The following ST7 variants were observed in gnomAD, a reference collection of about 807,000 sequenced individuals.
ST7 encodes the protein suppression of tumorigenicity 7, also known as suppressor of tumorigenicity 7 protein.
In ST7, 28 loss-of-function variants were observed where a neutral mutation model predicts 78.7. The observed-to-expected ratio is 0.36, with a 90% CI of 0.26 to 0.49. The LOEUF (loss-of-function observed/expected upper bound fraction) is 0.49. Among genes scored for constraint, ST7 ranks in the 20% least tolerant of loss-of-function variants. The probability of loss-of-function intolerance (pLI) is 0.99; values close to 1 mark genes in which losing one functional copy is unlikely to be tolerated. For synonymous variants in ST7, 247 were observed against 249.6 expected, an observed-to-expected ratio of 0.99 and a Z score of 0.10; for missense variants, 418 against 696.0, an observed-to-expected ratio of 0.60 and a Z score of 4.49.
At chr7:117,129,888 C>T in intron 4 of ST7, 41 bp downstream of exon 4, 1 of 1,549,016 alleles carries the variant, frequency 6.5e-7, no homozygotes, top group Non-Finnish European at 8.9e-7. Context: ...GGGTCTGGTT[C>T]AGAGAGCAAA....
chr7:117,135,249 T>C (rs1804695680), intron 7 of ST7, among the ~76,000 whole-genome samples: 1 of 152,066 alleles, frequency 6.6e-6, no homozygotes, highest in Non-Finnish European at 1.5e-5. Flanking sequence ...GTTCATTAAT[T>C]ATCCTTTTGG....
chr7:117,119,525 A>G lies in ST7; in HGVS notation c.235-36A>G, dbSNP rs1340797159. On this transcript the variant is annotated intron_variant, in intron 2 of 15. Transcript: ENST00000323984. The stretch of plus-strand genomic sequence containing the variant: ...ATGTGTACAGAAGTCGTAAATGATA[A>G]CAGTGACCATAAACACGCTTATTTT... The G allele has an allele frequency of 5.0e-6, 8 of 1,592,568 alleles. No individual in the cohort carries two copies. The South Asian group carries it at 6.9e-5, about 14-fold the overall frequency.
rs749327257 is a variant in ST7, at chr7:117,099,746, C to G, written c.152-16C>G. 11 of 1,604,136 alleles carry G rather than the reference C, an allele frequency of 6.9e-6. No homozygotes were observed. In the Admixed American group the frequency reaches 1.0e-4, roughly 15 times the overall value. ...ATTCCTTGTTCTTCTCCCTTTCTCT[C>G]TCTTTTCTTTTTCAGTGAGCATGTT... On this transcript the variant is annotated splice_polypyrimidine_tract_variant and intron_variant, in intron 1 of 15. Transcript: ENST00000323984.
chr7:116,995,702 A>G (rs1794621150), intron 1 of ST7, among the ~76,000 whole-genome samples: 1 of 152,210 alleles, frequency 6.6e-6, no homozygotes, highest in African/African-American at 2.4e-5. Flanking sequence ...AGGAATTGCA[A>G]ACTCAGATGC....
intron 5 of ST7, among the ~76,000 whole-genome samples, chr7:117,131,002 A>T (rs1392907750): frequency 6.6e-6 from 1 of 151,718 alleles, no homozygotes; most frequent in African/African-American, 2.4e-5. Context: ...AGTGACTTTT[A>T]TTTGCCTATT....
At chr7:117,180,473 G>C (rs879158818) in intron 10 of ST7, among the ~76,000 whole-genome samples, 1 of 152,186 alleles carries the variant, frequency 6.6e-6, no homozygotes, top group East Asian at 1.9e-4. Flanking sequence ...GACAAAGCAT[G>C]AGAATAATAC....
intron 3 of ST7, among the ~76,000 whole-genome samples, chr7:117,124,618 T>C (rs1243652126): frequency 1.3e-5 from 2 of 152,172 alleles, no homozygotes; most frequent in Non-Finnish European, 2.9e-5. Context: ...AACAGTTCAG[T>C]GGCAGGATTG....
intron 1 of ST7, among the ~76,000 whole-genome samples, chr7:117,021,319 A>G (rs540325291): frequency 2.2e-4 from 34 of 152,334 alleles, no homozygotes; most frequent in Admixed American, 2.0e-4. Context: ...AAAAATTACA[A>G]CCAAACTATG....
In ST7 at chr7:117,059,999, A is replaced by T. The variant is rs562705419; in HGVS notation, c.152-39763A>T. ...CCCTGTCTCAAAAAATCAAATTCTC[A>T]TATACCAAGTAATTGTTTGTTTTCT... On this transcript the variant is annotated intron_variant, in intron 1 of 15. Transcript: ENST00000323984. 9.9e-5 allele frequency among the ~76,000 whole-genome samples: 15 copies of T among 152,110 alleles called. No individual in the cohort carries two copies. In the East Asian group the frequency reaches 2.9e-3, roughly 29 times the overall value.
rs1174484560 is a variant in ST7 at position 117,070,690 on chromosome 7, G to A, written c.152-29072G>A. Reference sequence around the variant, plus strand: ...GGAGTAGCTGGGACTACAGGCGCCCGCCACCATGCCCTGCTAATTTCTTTT... The same window carrying A: ...GGAGTAGCTGGGACTACAGGCGCCCACCACCATGCCCTGCTAATTTCTTTT... On this transcript the variant is annotated intron_variant, in intron 1 of 15. Coordinates refer to ENST00000323984, the MANE Select transcript of ST7 (RefSeq NM_001369598.1). Among the ~76,000 whole-genome samples the A allele has an allele frequency of 2.6e-5, 4 of 151,814 alleles. No individual in the cohort carries two copies. The East Asian group carries it at 6.0e-4, about 23-fold the overall frequency.
rs776116611 is a variant in ST7, at chr7:117,130,580, C to T, written c.539C>T (p.Ser180Leu). 5.6e-6 allele frequency: 9 copies of T among 1,610,742 alleles called. No individual in the cohort carries two copies. Among genetic ancestry groups the T allele is most frequent in the East Asian group, 2.2e-5 (1 of 44,704 alleles). Residue 180 changes from serine (S) to leucine (L), a missense_variant, in exon 5 of 16, where the codon TCG becomes TTG. Ser to Leu is a moderately radical substitution (Grantham distance 145). This residue lies in a region of ST7 where 288 missense variants were observed against 537.1 expected (regional missense o/e 0.54). Coordinates refer to ENST00000323984, the MANE Select transcript of ST7 (RefSeq NM_001369598.1). Reference sequence around the variant, plus strand: ...CACCAGACATTCTTTACTTGTGACTCGGACCATCTGCGTCCCGCAGATGCA... The same window carrying T: ...CACCAGACATTCTTTACTTGTGACTTGGACCATCTGCGTCCCGCAGATGCA... Reference protein sequence around the residue: ...QDHQTFFTCDSDHLRPADAIM... With the variant: ...QDHQTFFTCDLDHLRPADAIM...
chr7:116,959,224 G>C (rs1027052304), intron 1 of ST7: 5 of 470,788 alleles, frequency 1.1e-5, no homozygotes, highest in Middle Eastern at 6.5e-4. Flanking sequence ...AAAAGAAACA[G>C]CTCTTTATCC....
intron 1 of ST7, among the ~76,000 whole-genome samples, chr7:117,036,140 T>C (rs1763886188): frequency 6.6e-6 from 1 of 152,214 alleles, no homozygotes; most frequent in African/African-American, 2.4e-5. Context: ...AATTGTTTGG[T>C]ACTGTTTGGC....
At chr7:117,067,777 CT>C (rs1798719523) in intron 1 of ST7, among the ~76,000 whole-genome samples, 2 of 152,188 alleles carry the variant, frequency 1.3e-5, no homozygotes, top group South Asian at 4.1e-4. Context: ...CTCATACAAT[CT>C]TTGTCAGACC....
intron 6 of ST7, among the ~76,000 whole-genome samples, chr7:117,132,695 T>C (rs1433467887): frequency 2.0e-5 from 3 of 151,742 alleles, no homozygotes; most frequent in Non-Finnish European, 4.4e-5. Flanking sequence ...AAAAAAAGAT[T>C]GTCGTGAGAG....
At chr7:117,183,708 A>G (rs1382100604) in intron 10 of ST7, among the ~76,000 whole-genome samples, 2 of 152,234 alleles carry the variant, frequency 1.3e-5, no homozygotes, top group Admixed American at 1.3e-4. Flanking sequence ...ACAGTTTCCA[A>G]TAAAGTTAAA....
In ST7 at chr7:117,190,165, C is replaced by T. The variant is rs1228044382; in HGVS notation, c.1152-669C>T. ...GTACCTACTGCAACATCTTTTCTCC[C>T]TACACAGCGACTCCAGCTTGGGAGG... On this transcript the variant is annotated intron_variant, in intron 11 of 15. Coordinates refer to ENST00000323984, the MANE Select transcript of ST7 (RefSeq NM_001369598.1). This position sits in a 1 kb window ranked among gnomAD's most constrained non-coding sequence, Gnocchi z 5.2. 6.0e-6 allele frequency: 1 copy of T among 167,298 alleles called. No individual in the cohort carries two copies. The highest frequency in any genetic ancestry group is 1.5e-5 in the Non-Finnish European group (1 of 68,292). 10.4% of individuals were successfully genotyped at this position (167,298 alleles called of 1,614,324 possible). A position where few individuals can be genotyped will look rare whatever the true frequency, so the allele number is the denominator to read the frequency against.
chr7:116,991,444 G>A (rs560266818), intron 1 of ST7, among the ~76,000 whole-genome samples: 6 of 152,272 alleles, frequency 3.9e-5, no homozygotes, highest in Admixed American at 6.5e-5. Context: ...TTCTTACATG[G>A]TGGCGGCAAG....
intron 9 of ST7, among the ~76,000 whole-genome samples, chr7:117,157,616 G>T (rs1283483813): frequency 1.3e-5 from 2 of 152,146 alleles, no homozygotes; most frequent in Non-Finnish European, 2.9e-5. Context: ...CTACTGAATA[G>T]AATTATTTAC....
Sources: gnomAD v4.1 joint callset for allele counts (sites outside exome capture counted in the v4.1 genomes callset) on GRCh38, gnomAD v4.1.1 for gene constraint, gnomAD v4.1.1 regional missense constraint, Gnocchi (gnomAD v3.1) non-coding constraint, MANE v1.5 for transcripts, NCBI Gene and HGNC (gene_info 2026-07-23, HGNC 2026-07-21) for gene names.